Variants in ITPRID2 observed in about 807,000 individuals in gnomAD.
The protein encoded by ITPRID2 is protein ITPRID2.
In ITPRID2, 60 loss-of-function variants were observed where a neutral mutation model predicts 124.3. The observed-to-expected ratio is 0.48, with a 90% CI of 0.39 to 0.60. The LOEUF is 0.60. ITPRID2 is among the 20% of genes least tolerant of loss of function. The pLI is 0.00. For missense variants in ITPRID2, 1,553 were observed against 1,512.2 expected, an observed-to-expected ratio of 1.03 and a Z score of -0.45; for synonymous variants, 521 against 542.9, an observed-to-expected ratio of 0.96 and a Z score of 0.56.
intron 10 of ITPRID2, among the ~76,000 whole-genome samples, chr2:181,914,698 A>C (rs2125095489): frequency 6.6e-6 from 1 of 152,292 alleles, no homozygotes; most frequent in African/African-American, 2.4e-5. Context: ...AATAACATGA[A>C]ATGACTTGGG....
intron 8 of ITPRID2, among the ~76,000 whole-genome samples, chr2:181,906,115 AT>A (rs1449350906): frequency 1.3e-5 from 2 of 152,186 alleles, no homozygotes; most frequent in Non-Finnish European, 2.9e-5. Flanking sequence ...TTTGCAAGTA[AT>A]TTATAGAATC....
Position 181,915,330 on chromosome 2 carries a change from T to A in ITPRID2, c.1690T>A (p.Phe564Ile). 1.2e-6 allele frequency: 2 copies of A among 1,614,152 alleles called. No individual in the cohort carries two copies. Among genetic ancestry groups the A allele is most frequent in the South Asian group, 2.2e-5 (2 of 91,074 alleles). ...ATPTAQDQPY[F>I]NESEEESLVP... ...ACCAACAGCACAAGACCAGCCTTATTTTAATGAATCAGAGGAGGAGTCTCT... is the reference window on the plus strand; with the variant it reads ...ACCAACAGCACAAGACCAGCCTTATATTAATGAATCAGAGGAGGAGTCTCT... The change falls in exon 11 of 18, where the codon TTT becomes ATT. Residue 564 changes from phenylalanine to isoleucine, a missense_variant. By Grantham distance (21) the Phe-to-Ile change is conservative. Coordinates refer to ENST00000431877, the MANE Select transcript of ITPRID2 (RefSeq NM_001130445.3).
Position 181,892,025 on chromosome 2 carries a change from C to A in ITPRID2, c.-42C>A, listed in dbSNP as rs760592361. On this transcript the variant is annotated 5_prime_UTR_variant, in exon 1 of 18. Coordinates refer to ENST00000431877, the MANE Select transcript of ITPRID2 (RefSeq NM_001130445.3). This position sits in a 1 kb window ranked among gnomAD's most constrained non-coding sequence, Gnocchi z 5.2. Reference sequence around the variant, plus strand: ...GGGGGTCCCTGCCGCCGCCTTGTCTCGCGCAGGGTCCGGCTGGGGTAGCGG... The same window carrying A: ...GGGGGTCCCTGCCGCCGCCTTGTCTAGCGCAGGGTCCGGCTGGGGTAGCGG... 16 of 1,538,250 alleles carry A rather than the reference C, an allele frequency of 1.0e-5. No individual in the cohort carries two copies. Among genetic ancestry groups the A allele is most frequent in the African/African-American group, 2.8e-5 (2 of 72,202 alleles).
chr2:181,923,704 G>C (rs1191163040), intron 16 of ITPRID2, among the ~76,000 whole-genome samples: 1 of 151,538 alleles, frequency 6.6e-6, no homozygotes, highest in Non-Finnish European at 1.5e-5. Context: ...GAAATGTGAT[G>C]GTTTTGTTCC....
intron 17 of ITPRID2, among the ~76,000 whole-genome samples, chr2:181,928,776 C>T (rs1695054526): frequency 6.6e-6 from 1 of 152,070 alleles, no homozygotes; most frequent in South Asian, 2.1e-4. Context: ...CAGGCGCCAG[C>T]CACTACGCCC....
chr2:181,916,169 C>A lies in ITPRID2; in HGVS notation c.2529C>A (p.Thr843=). The A allele has an allele frequency of 6.2e-7, 1 of 1,614,220 alleles. No homozygotes were observed. Among genetic ancestry groups the A allele is most frequent in the Non-Finnish European group, 8.5e-7 (1 of 1,180,046 alleles). The change falls in exon 11 of 18, where the codon ACC becomes ACA. Residue 843 remains threonine, a synonymous_variant. Transcript: ENST00000431877. ...CTCCACCACCAATGTCTCAGTCTAC[C>A]TGTTCCCTTCATTCCATCCACTCTG... ...RLAPPPMSQS[T]CSLHSIHSEW...
chr2:181,891,838 C>T lies in ITPRID2; in HGVS notation c.-229C>T, dbSNP rs1490316938. ...CGCTCCCTCGGGCCACTAGCGCTCC[C>T]GCGCGCGCCCGGCCGCCTTCATGTG... On this transcript the variant is annotated 5_prime_UTR_variant, in exon 1 of 18. Coordinates refer to ENST00000431877, the MANE Select transcript of ITPRID2 (RefSeq NM_001130445.3). The T allele has an allele frequency of 1.1e-4, 35 of 318,990 alleles. 1 individual carries two copies. The highest frequency in any genetic ancestry group is 9.2e-4 in the Admixed American group (7 of 7,620). 19.8% of individuals were successfully genotyped at this position (318,990 alleles called of 1,614,324 possible).
intron 4 of ITPRID2, among the ~76,000 whole-genome samples, chr2:181,898,196 A>G (rs1692368719): frequency 6.6e-6 from 1 of 152,084 alleles, no homozygotes; most frequent in South Asian, 2.1e-4. Context: ...CAAAATTGTC[A>G]TAACTTTGTA....
Position 181,922,215 on chromosome 2 carries a change from C to T in ITPRID2, c.3478C>T (p.Pro1160Ser). The change falls in exon 16 of 18, where the codon CCT (proline) becomes TCT (serine). Residue 1160 changes from proline (P) to serine (S), a missense_variant. By Grantham distance (74) the Pro-to-Ser change is moderately conservative (BLOSUM62 -1). Transcript: ENST00000431877. ...RASVALTPTA[P>S]SRTGSVQTPP... The stretch of plus-strand genomic sequence containing the variant: ...ATCGGTGGCTCTAACGCCAACAGCT[C>T]CTTCTAGAACAGGCTCTGTGCAGAC... The T allele has an allele frequency of 1.2e-6, 2 of 1,614,216 alleles. No individual in the cohort carries two copies. Among genetic ancestry groups the T allele is most frequent in the Non-Finnish European group, 1.7e-6 (2 of 1,180,046 alleles).
At chr2:181,916,705 T>A in intron 11 of ITPRID2, 1 of 723,944 alleles carries the variant, frequency 1.4e-6, no homozygotes, top group Non-Finnish European at 1.9e-6. Flanking sequence ...CCATTTTTAG[T>A]CTATCATCCA....
In ITPRID2 at chr2:181,918,830, G is replaced by A; in HGVS notation, c.2941G>A (p.Ala981Thr). The change falls in exon 13 of 18, where the codon GCA becomes ACA. Residue 981 changes from alanine to threonine, a missense_variant. Physicochemically the swap from Ala to Thr is moderately conservative, Grantham distance 58. Transcript: ENST00000431877. ...AACACAAATGATGGATTTAGAATTG[G>A]CAATGCTGCGTCAGCAAACCATGGT... ...FRTQMMDLEL[A>T]MLRQQTMVYH... 1.2e-6 allele frequency: 2 copies of A among 1,614,154 alleles called. No homozygotes were observed. Among genetic ancestry groups the A allele is most frequent in the East Asian group, 2.2e-5 (1 of 44,868 alleles).
intron 9 of ITPRID2, 61 bp from the exon 10 acceptor site, chr2:181,913,782 TTA>T (rs1693813483): frequency 1.6e-6 from 2 of 1,216,846 alleles, no homozygotes; most frequent in Admixed American, 2.1e-5. Flanking sequence ...CAGTAATTTC[TTA>T]TAGCCACTTT....
In ITPRID2 at chr2:181,922,075, C is replaced by T; in HGVS notation, c.3338C>T (p.Ser1113Leu). 1 of 1,614,242 alleles carries T rather than the reference C, an allele frequency of 6.2e-7. No homozygotes were observed. The highest frequency in any genetic ancestry group is 8.5e-7 in the Non-Finnish European group (1 of 1,180,048). Reference sequence around the variant, plus strand: ...GTTTTTTCCCAAGCAACATCAGAATCATCTTCTGTATGTTCTGGTCCCTCT... The same window carrying T: ...GTTTTTTCCCAAGCAACATCAGAATTATCTTCTGTATGTTCTGGTCCCTCT... ...ESVFSQATSE[S>L]SSVCSGPSHA... The change falls in exon 16 of 18, where the codon TCA becomes TTA. Residue 1113 changes from serine to leucine, a missense_variant. Transcript: ENST00000431877.
Position 181,920,678 on chromosome 2 carries a change from C to T in ITPRID2, c.3210+16C>T. 6.3e-7 allele frequency: 1 copy of T among 1,596,394 alleles called. No individual in the cohort carries two copies. The highest frequency in any genetic ancestry group is 8.6e-7 in the Non-Finnish European group (1 of 1,164,450). On this transcript the variant is annotated intron_variant, in intron 15 of 17. Coordinates refer to ENST00000431877, the MANE Select transcript of ITPRID2 (RefSeq NM_001130445.3). ...AATGGAACCAGTAAGCTTCTTTCCT[C>T]TTAAATCACTGGGGAAGGGAATGAT...
chr2:181,916,942 A>G (rs1441694855), intron 11 of ITPRID2: 3 of 989,570 alleles, frequency 3.0e-6, no homozygotes, highest in Non-Finnish European at 3.6e-6. Context: ...CTGTGCACAG[A>G]GTTAGTCTAC....
rs1302130226 is a variant in ITPRID2, at chr2:181,915,932, C to G, written c.2292C>G (p.Thr764=). The change falls in exon 11 of 18, where the codon ACC becomes ACG. Residue 764 remains threonine, a synonymous_variant. Coordinates refer to ENST00000431877, the MANE Select transcript of ITPRID2 (RefSeq NM_001130445.3). ...VNVRLSPGKE[T]RCSPPSFTYK... is the part of the protein sequence containing the mutation. ...TTCGATTATCTCCAGGAAAAGAGACCAGATGCAGCCCACCTTCCTTCACCT... is the reference window on the plus strand; with the variant it reads ...TTCGATTATCTCCAGGAAAAGAGACGAGATGCAGCCCACCTTCCTTCACCT... 1 of 1,614,136 alleles carries G rather than the reference C, an allele frequency of 6.2e-7. No homozygotes were observed. The highest frequency in any genetic ancestry group is 8.5e-7 in the Non-Finnish European group (1 of 1,180,034).
intron 8 of ITPRID2, among the ~76,000 whole-genome samples, chr2:181,906,411 T>C (rs1314205220): frequency 6.6e-6 from 1 of 152,122 alleles, no homozygotes; most frequent in African/African-American, 2.4e-5. Flanking sequence ...CAAGGACCTA[T>C]GAGGTAGAAA....
In ITPRID2 at chr2:181,916,326, T is replaced by C; in HGVS notation, c.2686T>C (p.Tyr896His). Residue 896 changes from tyrosine to histidine, a missense_variant, in exon 11 of 18, where the codon TAC becomes CAC. Coordinates refer to ENST00000431877, the MANE Select transcript of ITPRID2 (RefSeq NM_001130445.3). Reference protein sequence around the residue: ...GCPYSHRHATYPYRVCSVNPP... With the variant: ...GCPYSHRHATHPYRVCSVNPP... ...TCCTTACTCACATAGACATGCCACC[T>C]ACCCTTACCGAGTGTGCTCTGTGAA... 1 of 1,614,228 alleles carries C rather than the reference T, an allele frequency of 6.2e-7. No individual in the cohort carries two copies. Among genetic ancestry groups the C allele is most frequent in the Non-Finnish European group, 8.5e-7 (1 of 1,180,036 alleles).
chr2:181,903,706 A>T lies in ITPRID2; in HGVS notation c.1413+1240A>T, dbSNP rs557127415. Among the ~76,000 whole-genome samples the T allele has an allele frequency of 5.3e-5, 8 of 152,192 alleles. No homozygotes were observed. In the East Asian group the frequency reaches 1.3e-3, roughly 26 times the overall value. On this transcript the variant is annotated intron_variant, in intron 8 of 17. Coordinates refer to ENST00000431877, the MANE Select transcript of ITPRID2 (RefSeq NM_001130445.3). ...CTTTTTTTCTTTTATTTCTTTGTAT[A>T]TGTTTATATTTCTTCTATCTTTTTA...
Sources: gnomAD v4.1 joint callset for allele counts (sites outside exome capture counted in the v4.1 genomes callset) on GRCh38, gnomAD v4.1.1 for gene constraint, Gnocchi (gnomAD v3.1) non-coding constraint, MANE v1.5 for transcripts, NCBI Gene and HGNC (gene_info 2026-07-23, HGNC 2026-07-21) for gene names.